VWA8: variants seen among roughly 807,000 people sequenced by gnomAD.
VWA8 encodes von Willebrand factor A domain-containing protein 8.
VWA8 carries 221 observed loss-of-function variants against 241.5 expected under a neutral mutation model. The ratio of observed to expected loss-of-function variants is 0.91; its 90% CI spans 0.82 to 1.02. The LOEUF is 1.02. VWA8 is among the 50% of genes least tolerant of loss of function. The pLI is 0.00. For missense variants in VWA8, 2,322 were observed against 2,328.7 expected, an observed-to-expected ratio of 1.00 and a Z score of 0.06; for synonymous variants, 852 against 827.1, an observed-to-expected ratio of 1.03 and a Z score of -0.52.
intron 39 of VWA8, among the ~76,000 whole-genome samples, chr13:41,607,853 G>A (rs2044562572): frequency 6.6e-6 from 1 of 152,016 alleles, no homozygotes; most frequent in Non-Finnish European, 1.5e-5. Context: ...TAGGTAATAT[G>A]CCATATACTT....
At chr13:41,831,804 G>C (rs1014903632) in intron 13 of VWA8, among the ~76,000 whole-genome samples, 6 of 151,610 alleles carry the variant, frequency 4.0e-5, no homozygotes, top group African/African-American at 1.5e-4. Flanking sequence ...ACTTTTAATA[G>C]AGACGGGGTT....
chr13:41,693,279 T>C (rs1446797820), intron 29 of VWA8, among the ~76,000 whole-genome samples: 1 of 152,010 alleles, frequency 6.6e-6, no homozygotes, highest in Non-Finnish European at 1.5e-5. Flanking sequence ...CTTTTAAATA[T>C]AAGCTAGTTG....
At chr13:41,599,072 T>C (rs2044505948) in intron 40 of VWA8, among the ~76,000 whole-genome samples, 1 of 152,284 alleles carries the variant, frequency 6.6e-6, no homozygotes. Flanking sequence ...CCATGTTTCA[T>C]GTACTGTTCT....
intron 38 of VWA8, among the ~76,000 whole-genome samples, chr13:41,614,253 C>T (rs960024891): frequency 6.6e-6 from 1 of 152,204 alleles, no homozygotes; most frequent in African/African-American, 2.4e-5. Context: ...ACAGACCATC[C>T]TAAGGAAGGT....
chr13:41,689,939 G>A (rs2045164463), intron 33 of VWA8, among the ~76,000 whole-genome samples: 1 of 151,964 alleles, frequency 6.6e-6, no homozygotes, highest in African/African-American at 2.4e-5. Context: ...TAAAAATACT[G>A]ATCTGTCAGT....
chr13:41,777,885 A>G (rs1051351928), intron 20 of VWA8, 100 bp downstream of exon 20: 32 of 1,022,646 alleles, frequency 3.1e-5, no homozygotes, highest in Admixed American at 4.5e-5. Flanking sequence ...CAGTCATTTA[A>G]TAGGGGAAAA....
chr13:41,756,318 T>A (rs2045694820), intron 21 of VWA8, among the ~76,000 whole-genome samples: 1 of 151,780 alleles, frequency 6.6e-6, no homozygotes, highest in Non-Finnish European at 1.5e-5. Flanking sequence ...TACTAATACT[T>A]GTTATATTTC....
intron 37 of VWA8, among the ~76,000 whole-genome samples, chr13:41,658,987 G>GT (rs1485640701): frequency 1.4e-4 from 22 of 152,176 alleles, no homozygotes; most frequent in Non-Finnish European, 2.9e-4. Flanking sequence ...GTCTCCTTAA[G>GT]TATTTGTATG....
intron 14 of VWA8, among the ~76,000 whole-genome samples, chr13:41,826,714 GA>G (rs1454342107): frequency 1.3e-5 from 2 of 151,722 alleles, no homozygotes; most frequent in African/African-American, 4.8e-5. Flanking sequence ...AAAAAAATGG[GA>G]AAAACAAAAC....
intron 12 of VWA8, among the ~76,000 whole-genome samples, chr13:41,850,041 C>T (rs1872465414): frequency 6.6e-6 from 1 of 152,152 alleles, no homozygotes; most frequent in African/African-American, 2.4e-5. Context: ...TTTGAAGTTT[C>T]TTCCCTCTTC....
chr13:41,688,751 T>C (rs191075650), intron 34 of VWA8, among the ~76,000 whole-genome samples: 201 of 152,218 alleles, frequency 1.3e-3, no homozygotes, highest in African/African-American at 4.4e-3. Context: ...TCACATGTTC[T>C]CACAAGTGGG....
chr13:41,807,975 A>G (rs1266199963), intron 17 of VWA8: 2 of 152,210 alleles, frequency 1.3e-5, no homozygotes, highest in Non-Finnish European at 2.9e-5. Flanking sequence ...CACACTTCAC[A>G]TATGATGATA....
chr13:41,608,075 CAT>C (rs1230831624), intron 39 of VWA8, among the ~76,000 whole-genome samples: 2 of 152,006 alleles, frequency 1.3e-5, no homozygotes, highest in Non-Finnish European at 2.9e-5. Flanking sequence ...TACACACAAA[CAT>C]ATCAAGGAAG....
At chr13:41,652,627 G>T (rs1429920147) in intron 37 of VWA8, among the ~76,000 whole-genome samples, 1 of 152,038 alleles carries the variant, frequency 6.6e-6, no homozygotes, top group East Asian at 1.9e-4. Context: ...TAAAAAAAAA[G>T]AAATTAAGGC....
At chr13:41,721,684 G>A (rs2045393508) in intron 24 of VWA8, 109 bp from the exon 25 acceptor site, 5 of 1,169,956 alleles carry the variant, frequency 4.3e-6, no homozygotes, top group Admixed American at 5.5e-5. Context: ...TCAAAGCATA[G>A]AAAGCCCATC....
chr13:41,687,478 T>A (rs577479639), intron 34 of VWA8, among the ~76,000 whole-genome samples: 1 of 152,296 alleles, frequency 6.6e-6, no homozygotes, highest in South Asian at 2.1e-4. Context: ...AATAGTTTCA[T>A]ACATAATCCA....
intron 21 of VWA8, among the ~76,000 whole-genome samples, chr13:41,746,895 T>C (rs1425540431): frequency 6.6e-6 from 1 of 152,204 alleles, no homozygotes; most frequent in Non-Finnish European, 1.5e-5. Flanking sequence ...CCCATAGTCC[T>C]ATCATATGGA....
chr13:41,603,353 G>T (rs2044533825), intron 40 of VWA8, among the ~76,000 whole-genome samples: 2 of 152,114 alleles, frequency 1.3e-5, no homozygotes, highest in South Asian at 4.1e-4. Flanking sequence ...AGAAGTCAGA[G>T]CAGTGGACCT....
At chr13:41,674,620 T>G (rs2045047453) in intron 36 of VWA8, among the ~76,000 whole-genome samples, 1 of 152,186 alleles carries the variant, frequency 6.6e-6, no homozygotes, top group Non-Finnish European at 1.5e-5. Flanking sequence ...TGATGATGCC[T>G]GTGTTCTTCA....
Sources: allele counts gnomAD v4.1 joint callset (sites outside exome capture counted in the v4.1 genomes callset), GRCh38; gene constraint gnomAD v4.1.1; transcripts MANE v1.5; gene names NCBI Gene and HGNC (gene_info 2026-07-23, HGNC 2026-07-21).